The following CNTRL variants were observed in gnomAD, a reference collection of about 807,000 sequenced individuals.
CNTRL encodes the protein 110 kDa centrosomal protein.
CNTRL carries 233 observed loss-of-function variants against 303.7 expected under a neutral mutation model. That is an observed-to-expected ratio of 0.77 (90% CI 0.69 to 0.86). The LOEUF (loss-of-function observed/expected upper bound fraction) is 0.86. Ranked by LOEUF, CNTRL falls within the 40% of genes least tolerant of loss-of-function variation. The probability of loss-of-function intolerance (pLI) is 0.00; values close to 1 mark genes in which losing one functional copy is unlikely to be tolerated. For synonymous variants in CNTRL, 900 were observed against 922.2 expected (o/e 0.98, Z 0.44); for missense variants, 2,524 against 2,650.6 (o/e 0.95, Z 1.05).
At chr9:121,078,593 G>A (rs1055301903) in intron 1 of CNTRL, among the ~76,000 whole-genome samples, 2 of 152,164 alleles carry the variant, frequency 1.3e-5, no homozygotes, top group African/African-American at 4.8e-5. Context: ...CCTGGAGACA[G>A]CGTCACATCC....
chr9:121,154,983 T>A (rs769222440), intron 27 of CNTRL, 70 bp downstream of exon 27: 8 of 1,331,790 alleles, frequency 6.0e-6, no homozygotes, highest in Middle Eastern at 1.8e-4. Context: ...CCTGAAGGAT[T>A]AGAAAGAGAA....
intron 7 of CNTRL, among the ~76,000 whole-genome samples, chr9:121,103,188 T>C (rs538898852): frequency 1.7e-3 from 264 of 152,292 alleles, no homozygotes; most frequent in African/African-American, 6.0e-3. Flanking sequence ...ATGGTACTGG[T>C]ACCAAAACAG....
intron 12 of CNTRL, chr9:121,122,329 C>T (rs1443415927): frequency 2.3e-6 from 2 of 884,274 alleles, no homozygotes; most frequent in Non-Finnish European, 1.4e-6. Context: ...TTGCAAAATA[C>T]CATAAAGCTT....
chr9:121,167,663 G>A lies in CNTRL; in HGVS notation c.5830G>A (p.Val1944Ile), dbSNP rs1251211946. 2 of 1,613,744 alleles carry A rather than the reference G, an allele frequency of 1.2e-6. No homozygotes were observed. Among genetic ancestry groups the A allele is most frequent in the South Asian group, 2.2e-5 (2 of 91,062 alleles). ...GATTGAAGAAAACAAGCTCAAACTA[G>A]TCCAACAAGAAATGGTACTACACAT... ...NEIEENKLKL[V>I]QQEMMFQRLQ... The change falls in exon 37 of 44, where the codon GTC (valine) becomes ATC (isoleucine). Residue 1944 changes from valine (V) to isoleucine (I), a missense_variant. By Grantham distance (29) the Val-to-Ile change is conservative. Transcript: ENST00000373855.
chr9:121,111,325 G>A (rs2049737846), intron 8 of CNTRL: 1 of 152,128 alleles, frequency 6.6e-6, no homozygotes, highest in South Asian at 2.1e-4. Flanking sequence ...TTGGGTGGTT[G>A]TGAAGATTTA....
chr9:121,157,665 GA>G, intron 28 of CNTRL, 65 bp downstream of exon 28: 1 of 1,604,866 alleles, frequency 6.2e-7, no homozygotes, highest in Non-Finnish European at 8.5e-7. Context: ...CTTCTAAGGG[GA>G]TAATAATTGG....
At position 121,115,218 on chromosome 9, in the gene CNTRL, A is replaced by G. The variant is rs2049924611; in HGVS notation, c.1455+18A>G. 7.6e-7 allele frequency: 1 copy of G among 1,308,302 alleles called. No homozygotes were observed. 81.0% of individuals were successfully genotyped at this position (1,308,302 alleles called of 1,614,324 possible). A position where few individuals can be genotyped will look rare whatever the true frequency, so the allele number is the denominator to read the frequency against. On this transcript the variant is annotated intron_variant, in intron 11 of 43. Transcript: ENST00000373855. The stretch of plus-strand genomic sequence containing the variant: ...TAAAAAAGGTATGTAAAAGCAAAGC[A>G]GCAATGCTAAGAGGAAATGAAAAAT...
At chr9:121,147,258 C>T (rs564707222) in intron 23 of CNTRL, among the ~76,000 whole-genome samples, 2 of 152,306 alleles carry the variant, frequency 1.3e-5, no homozygotes, top group East Asian at 3.9e-4. Context: ...CCACCTTGGC[C>T]TCCCAAAGTT....
rs1290182757 is a variant in CNTRL at position 121,113,712 on chromosome 9, A to G, written c.1333A>G (p.Lys445Glu). The change falls in exon 10 of 44, where the codon AAA becomes GAA. Residue 445 changes from lysine to glutamate, a missense_variant. By Grantham distance (56) the Lys-to-Glu change is moderately conservative (BLOSUM62 1). Transcript: ENST00000373855. ...CACGCAACTGGAAGACAAAGAAAAA[A>G]AAATAAGTGCAGGTTAAAAAAAGTT... The part of the protein sequence containing the change: ...LDTQLEDKEK[K>E]ISAAQTRLSE... 1.3e-6 allele frequency: 2 copies of G among 1,535,618 alleles called. No individual in the cohort carries two copies. Among genetic ancestry groups the G allele is most frequent in the Non-Finnish European group, 8.7e-7 (1 of 1,148,596 alleles).
At position 121,138,683 on chromosome 9, in the gene CNTRL, G is replaced by C. The variant is rs943432433; in HGVS notation, c.2337+4G>C. ...TGCAAAACTTAAACACTTGCAGGTA[G>C]AGATTTGTTGTTTTAGAATACATTC... On this transcript the variant is annotated splice_donor_region_variant and intron_variant, in intron 16 of 43. Coordinates refer to ENST00000373855, the MANE Select transcript of CNTRL (RefSeq NM_007018.6). 4 of 1,612,724 alleles carry C rather than the reference G, an allele frequency of 2.5e-6. No individual in the cohort carries two copies. Among genetic ancestry groups the C allele is most frequent in the Non-Finnish European group, 2.5e-6 (3 of 1,179,394 alleles).
intron 18 of CNTRL, 83 bp from the exon 19 acceptor site, chr9:121,142,008 G>C: frequency 3.6e-6 from 4 of 1,103,844 alleles, no homozygotes; most frequent in Non-Finnish European, 5.1e-6. Flanking sequence ...TTGTAAAATG[G>C]GTGATAATTC....
At chr9:121,112,659 G>A in intron 9 of CNTRL, 81 bp downstream of exon 9, 1 of 1,403,930 alleles carries the variant, frequency 7.1e-7, no homozygotes, top group Non-Finnish European at 9.9e-7. Flanking sequence ...GTGAGGACAT[G>A]TAAGGGATTT....
intron 40 of CNTRL, 97 bp downstream of exon 40, chr9:121,171,645 A>G: frequency 8.0e-7 from 1 of 1,245,878 alleles, no homozygotes; most frequent in Non-Finnish European, 1.1e-6. Flanking sequence ...CTATAGTAGT[A>G]TAGAAAAGCT....
At chr9:121,108,998 A>G (rs1213987030) in intron 8 of CNTRL, among the ~76,000 whole-genome samples, 1 of 152,168 alleles carries the variant, frequency 6.6e-6, no homozygotes, top group Non-Finnish European at 1.5e-5. Flanking sequence ...TTTGTAATGA[A>G]AAAAGGAATG....
chr9:121,166,169 C>G lies in CNTRL; in HGVS notation c.5644C>G (p.Leu1882Val). Residue 1882 changes from leucine (L) to valine (V), a missense_variant, in exon 36 of 44, where the codon CTA (leucine) becomes GTA (valine). Coordinates refer to ENST00000373855, the MANE Select transcript of CNTRL (RefSeq NM_007018.6). ...AGCTAATGTCCAAGACCATTTGAAC[C>G]TAGCAAAACAGGTAAGGTTAACAAA... ...ELANVQDHLN[L>V]AKQDLLHTTK... The G allele has an allele frequency of 6.2e-7, 1 of 1,610,658 alleles. No homozygotes were observed. Among genetic ancestry groups the G allele is most frequent in the Non-Finnish European group, 8.5e-7 (1 of 1,178,202 alleles).
At position 121,096,428 on chromosome 9, in the gene CNTRL, T is replaced by A. The variant is rs1354277107; in HGVS notation, c.486T>A (p.Ile162=). ...TTTATCCTTTGCTTTCCAGCAAAAT[T>A]GAAGGCATAGAAAATATGTGTAATC... is the stretch of plus-strand genomic sequence containing the variant. ...LNLSYNKISK[I]EGIENMCNLQ... is the part of the protein sequence containing the mutation. The change falls in exon 6 of 44, where the codon ATT becomes ATA. Residue 162 remains isoleucine (I), a synonymous_variant. Transcript: ENST00000373855. 7 of 1,524,680 alleles carry A rather than the reference T, an allele frequency of 4.6e-6. No homozygotes were observed. The East Asian group carries it at 1.4e-4, about 30-fold the overall frequency. The allele number at this position is 1,524,680 out of a possible 1,614,324, so 94.4% of individuals were successfully genotyped here.
intron 12 of CNTRL, chr9:121,122,548 T>C (rs761904121): frequency 3.3e-6 from 1 of 303,638 alleles, no homozygotes; most frequent in Non-Finnish European, 4.8e-6. Context: ...TTCTCTTCAT[T>C]TATTGTTGTA....
At chr9:121,122,007 A>C in intron 12 of CNTRL, 3 of 816,606 alleles carry the variant, frequency 3.7e-6, no homozygotes, top group Middle Eastern at 6.3e-4. Flanking sequence ...GGAGTCAGAG[A>C]TGTAAGTTCC....
chr9:121,081,221 G>A (rs1159656330), intron 2 of CNTRL, among the ~76,000 whole-genome samples: 1 of 152,166 alleles, frequency 6.6e-6, no homozygotes, highest in Non-Finnish European at 1.5e-5. Context: ...CAGCTTATAT[G>A]TACCCATATG....
Sources: allele counts gnomAD v4.1 joint callset (sites outside exome capture counted in the v4.1 genomes callset), GRCh38; gene constraint gnomAD v4.1.1; transcripts MANE v1.5; gene names NCBI Gene and HGNC (gene_info 2026-07-23, HGNC 2026-07-21).